Variants in RHOBTB3 observed in about 807,000 individuals in gnomAD.
RHOBTB3 encodes the protein Rho related BTB domain containing 3.
RHOBTB3 carries 47 observed loss-of-function variants against 67.2 expected under a neutral mutation model. The ratio of observed to expected loss-of-function variants is 0.70; its 90% confidence interval spans 0.55 to 0.89. RHOBTB3 has a LOEUF of 0.89. Among genes scored for constraint, RHOBTB3 ranks in the 40% least tolerant of loss-of-function variants. The pLI is 0.00. For synonymous variants in RHOBTB3, 273 were observed against 274.2 expected (o/e 1.00, Z 0.04); for missense variants, 631 against 750.0 (o/e 0.84, Z 1.85).
At chr5:95,742,282 A>G (rs1463306434) in intron 3 of RHOBTB3, among the ~76,000 whole-genome samples, 1 of 152,202 alleles carries the variant, frequency 6.6e-6, no homozygotes, top group Non-Finnish European at 1.5e-5. Context: ...TGGTATTCGT[A>G]TCTCATTTCA....
At chr5:95,750,819 T>G (rs1319727990) in intron 4 of RHOBTB3, among the ~76,000 whole-genome samples, 2 of 152,140 alleles carry the variant, frequency 1.3e-5, no homozygotes, top group African/African-American at 4.8e-5. Flanking sequence ...ACAGAGCTCT[T>G]TAAAGCTCTG....
Position 95,788,863 on chromosome 5 carries a change from A to C in RHOBTB3, c.1720+5A>C. 1.3e-6 allele frequency: 2 copies of C among 1,501,498 alleles called. No homozygotes were observed. The highest frequency in any genetic ancestry group is 1.8e-6 in the Non-Finnish European group (2 of 1,118,336). 93.0% of individuals were successfully genotyped at this position (1,501,498 alleles called of 1,614,324 possible). A position where few individuals can be genotyped will look rare whatever the true frequency, so the allele number is the denominator to read the frequency against. On this transcript the variant is annotated splice_donor_5th_base_variant and intron_variant, in intron 11 of 11. Transcript: ENST00000379982. ...CTGAATTTCAGGATCTTTCAGGTAG[A>C]TTGCTAATTTCTGTTTTGAAAAGAA...
upstream of RHOBTB3, chr5:95,731,331 G>A: frequency 9.1e-7 from 1 of 1,095,018 alleles, no homozygotes. Context: ...AGCAGCGGCA[G>A]CGGCAGCAGG....
At chr5:95,759,342 C>T (rs950748962) in intron 6 of RHOBTB3, among the ~76,000 whole-genome samples, 2 of 152,256 alleles carry the variant, frequency 1.3e-5, no homozygotes, top group African/African-American at 2.4e-5. Flanking sequence ...ATAACTGGTT[C>T]TGCAGGTATC....
At chr5:95,724,803 C>T (rs887465514) in intron 1 of RHOBTB3, among the ~76,000 whole-genome samples, 1 of 152,148 alleles carries the variant, frequency 6.6e-6, no homozygotes, top group African/African-American at 2.4e-5. Context: ...ATAGAACCTA[C>T]TCCATAGGGT....
chr5:95,761,780 A>T (rs1194544447), intron 6 of RHOBTB3, among the ~76,000 whole-genome samples: 1 of 152,204 alleles, frequency 6.6e-6, no homozygotes, highest in Non-Finnish European at 1.5e-5. Context: ...AATCACTGGC[A>T]TAGAGTAATT....
intron 11 of RHOBTB3, among the ~76,000 whole-genome samples, chr5:95,791,241 T>G (rs1225933877): frequency 6.6e-6 from 1 of 152,160 alleles, no homozygotes; most frequent in African/African-American, 2.4e-5. Context: ...AGATGTCATG[T>G]CAGTACAGGC....
At chr5:95,773,603 G>A (rs970347341) in intron 8 of RHOBTB3, among the ~76,000 whole-genome samples, 6 of 152,234 alleles carry the variant, frequency 3.9e-5, no homozygotes, top group African/African-American at 4.8e-5. Flanking sequence ...AGAGGGTGAC[G>A]AACCACACAG....
intron 5 of RHOBTB3, among the ~76,000 whole-genome samples, chr5:95,753,001 A>G (rs1242669543): frequency 1.3e-5 from 2 of 152,076 alleles, no homozygotes; most frequent in African/African-American, 2.4e-5. Context: ...GTGAGGTGGC[A>G]GGCGCCTGTA....
intron 5 of RHOBTB3, 82 bp downstream of exon 5, chr5:95,752,432 C>A: frequency 1.1e-6 from 1 of 915,934 alleles, no homozygotes; most frequent in Non-Finnish European, 1.7e-6. Context: ...CAATTATTCT[C>A]AAACTTGAGC....
intron 7 of RHOBTB3, among the ~76,000 whole-genome samples, chr5:95,766,817 A>T (rs1174770742): frequency 6.6e-6 from 1 of 152,160 alleles, no homozygotes; most frequent in Non-Finnish European, 1.5e-5. Flanking sequence ...ATCAAGGGTG[A>T]GAGTCTCCGG....
chr5:95,752,693 C>T (rs561316484), intron 5 of RHOBTB3, among the ~76,000 whole-genome samples: 1 of 152,308 alleles, frequency 6.6e-6, no homozygotes, highest in South Asian at 2.1e-4. Context: ...TCAATAAAAA[C>T]ATCTAAAAGA....
chr5:95,774,439 G>A (rs1745809327), intron 8 of RHOBTB3, among the ~76,000 whole-genome samples: 1 of 152,052 alleles, frequency 6.6e-6, no homozygotes, highest in African/African-American at 2.4e-5. Context: ...GAATCCCCTT[G>A]TTAACATTTT....
At chr5:95,723,146 C>G (rs914476449) in intron 1 of RHOBTB3, among the ~76,000 whole-genome samples, 1 of 151,762 alleles carries the variant, frequency 6.6e-6, no homozygotes, top group African/African-American at 2.4e-5. Context: ...TTGGGCCACA[C>G]ATAAACTACA....
chr5:95,750,202 AG>A (rs1432902323), intron 4 of RHOBTB3, among the ~76,000 whole-genome samples: 1 of 152,208 alleles, frequency 6.6e-6, no homozygotes, highest in Non-Finnish European at 1.5e-5. Flanking sequence ...TTTAAGGGTC[AG>A]AGTTGAAGAG....
At position 95,793,746 on chromosome 5, in the gene RHOBTB3, A is replaced by G. The variant is rs979172022; in HGVS notation, c.*572A>G. The G allele has an allele frequency of 1.6e-5, 4 of 251,814 alleles. No homozygotes were observed. The highest frequency in any genetic ancestry group is 5.0e-5 in the Admixed American group (1 of 20,016). The allele number at this position is 251,814 out of a possible 1,614,324, so 15.6% of individuals were successfully genotyped here. ...ACCTGCTTTTCATCTGGACAACCCAATTGAGCCACTTTATCTCCTTTTGGC... is the reference window on the plus strand; with the variant it reads ...ACCTGCTTTTCATCTGGACAACCCAGTTGAGCCACTTTATCTCCTTTTGGC... On this transcript the variant is annotated 3_prime_UTR_variant, in exon 12 of 12. Transcript: ENST00000379982.
Position 95,793,671 on chromosome 5 carries a change from G to A in RHOBTB3, c.*497G>A, listed in dbSNP as rs1746485825. Reference sequence around the variant, plus strand: ...TTGCCGGCCATTTGGAAAGTGAAATGCCACTTAGTTCTCAATTGATGACAG... The same window carrying A: ...TTGCCGGCCATTTGGAAAGTGAAATACCACTTAGTTCTCAATTGATGACAG... On this transcript the variant is annotated 3_prime_UTR_variant, in exon 12 of 12. Coordinates refer to ENST00000379982, the MANE Select transcript of RHOBTB3 (RefSeq NM_014899.4). 1 of 186,448 alleles carries A rather than the reference G, an allele frequency of 5.4e-6. No homozygotes were observed. The highest frequency in any genetic ancestry group is 9.9e-5 in the South Asian group (1 of 10,146). The allele number at this position is 186,448 out of a possible 1,614,324, so 11.5% of individuals were successfully genotyped here. A position where few individuals can be genotyped will look rare whatever the true frequency, so the allele number is the denominator to read the frequency against.
At position 95,767,823 on chromosome 5, in the gene RHOBTB3, G is replaced by GT. The variant is rs553187937; in HGVS notation, c.1162-220dup. The GT allele has an allele frequency of 4.9e-3, 3,437 of 704,612 alleles. 18 individuals are homozygous for GT. The highest frequency in any genetic ancestry group is 6.7e-3 in the Non-Finnish European group (2,594 of 385,946). The allele number at this position is 704,612 out of a possible 1,614,324, so 43.6% of individuals were successfully genotyped here. A position where few individuals can be genotyped will look rare whatever the true frequency, so the allele number is the denominator to read the frequency against. ...AGCTGAGTTTTCACTTAGGCAATTT[G>GT]TTTACTGCTGTGAATGCCAAAGAGA... On this transcript the variant is annotated intron_variant, in intron 7 of 11. Coordinates refer to ENST00000379982, the MANE Select transcript of RHOBTB3 (RefSeq NM_014899.4).
At chr5:95,753,035 G>A (rs1356709362) in intron 5 of RHOBTB3, among the ~76,000 whole-genome samples, 3 of 152,172 alleles carry the variant, frequency 2.0e-5, no homozygotes, top group Non-Finnish European at 4.4e-5. Flanking sequence ...GGGAGGCTGA[G>A]GCAGGAGAAT....
Sources: allele counts gnomAD v4.1 joint callset (sites outside exome capture counted in the v4.1 genomes callset), GRCh38; gene constraint gnomAD v4.1.1; transcripts MANE v1.5; gene names NCBI Gene and HGNC (gene_info 2026-07-23, HGNC 2026-07-21).